The following LAMA2 variants were observed in gnomAD, a reference collection of about 807,000 sequenced individuals.
LAMA2 encodes laminin subunit alpha-2.
A neutral mutation model predicts 364.8 loss-of-function variants in LAMA2; 269 were observed. The observed-to-expected ratio is 0.74, with a 90% confidence interval of 0.67 to 0.82. LAMA2 has a LOEUF of 0.82. LAMA2 is among the 40% of genes least tolerant of loss of function. The probability of loss-of-function intolerance (pLI) is 0.00; values close to 1 mark genes in which losing one functional copy is unlikely to be tolerated. For synonymous variants in LAMA2, 1,379 were observed against 1,370.6 expected (o/e 1.01, Z -0.14); for missense variants, 3,807 against 3,873.2 (o/e 0.98, Z 0.45).
At chr6:129,180,875 G>A (rs555504571) in intron 10 of LAMA2, among the ~76,000 whole-genome samples, 1 of 152,172 alleles carries the variant, frequency 6.6e-6, no homozygotes, top group East Asian at 1.9e-4. Context: ...TCTAAGATCA[G>A]GGCTAAAGTT....
At chr6:129,038,339 C>A (rs75819372) in intron 1 of LAMA2, among the ~76,000 whole-genome samples, 1 of 152,308 alleles carries the variant, frequency 6.6e-6, no homozygotes, top group African/African-American at 2.4e-5. Context: ...TCTATCTTCA[C>A]TCTGTGTGTG....
chr6:129,130,539 G>A (rs577861348), intron 4 of LAMA2, among the ~76,000 whole-genome samples: 2 of 152,312 alleles, frequency 1.3e-5, no homozygotes, highest in African/African-American at 2.4e-5. Flanking sequence ...ACTGAAGATG[G>A]CAGTGATGCT....
chr6:129,104,419 A>T (rs9388686), intron 4 of LAMA2, among the ~76,000 whole-genome samples: 1 of 152,106 alleles, frequency 6.6e-6, no homozygotes, highest in Non-Finnish European at 1.5e-5. Flanking sequence ...GAACATTAAT[A>T]GGAAATAGTT....
chr6:128,996,566 C>T (rs748117721), intron 1 of LAMA2, among the ~76,000 whole-genome samples: 9 of 152,222 alleles, frequency 5.9e-5, no homozygotes, highest in South Asian at 2.1e-4. Context: ...CAAATCAAAA[C>T]GACAATGAGA....
intron 1 of LAMA2, among the ~76,000 whole-genome samples, chr6:128,911,379 G>A (rs183840228): frequency 2.0e-5 from 3 of 152,290 alleles, no homozygotes; most frequent in African/African-American, 4.8e-5. Context: ...CGCAGTATTC[G>A]GGTGGGAGTG....
At chr6:129,402,290 A>G (rs1031325152) in intron 38 of LAMA2, 34 bp from the exon 39 acceptor site, 2 of 1,577,146 alleles carry the variant, frequency 1.3e-6, no homozygotes, top group African/African-American at 1.4e-5. Flanking sequence ...GCTTGAATTC[A>G]CTTGCTTAAA....
chr6:129,123,463 C>T (rs1362173993), intron 4 of LAMA2, among the ~76,000 whole-genome samples: 1 of 151,826 alleles, frequency 6.6e-6, no homozygotes, highest in Non-Finnish European at 1.5e-5. Context: ...TCACAATAGT[C>T]AAGATATGGA....
At chr6:129,082,134 T>C (rs1161916937) in intron 3 of LAMA2, among the ~76,000 whole-genome samples, 1 of 152,164 alleles carries the variant, frequency 6.6e-6, no homozygotes. Flanking sequence ...TGTAGGACTA[T>C]ATAAGTTATT....
At chr6:129,101,190 A>G (rs1224588666) in intron 4 of LAMA2, among the ~76,000 whole-genome samples, 1 of 152,204 alleles carries the variant, frequency 6.6e-6, no homozygotes, top group Non-Finnish European at 1.5e-5. Flanking sequence ...AGAGCAATAA[A>G]TCTCCCCCTG....
At chr6:128,898,465 C>A (rs1255472089) in intron 1 of LAMA2, among the ~76,000 whole-genome samples, 1 of 152,186 alleles carries the variant, frequency 6.6e-6, no homozygotes, top group East Asian at 1.9e-4. Flanking sequence ...ATTAACTTCT[C>A]TCTTTCCTTC....
At chr6:129,445,613 G>T (rs1782326126) in intron 44 of LAMA2, 54 bp from the exon 45 acceptor site, 1 of 1,442,378 alleles carries the variant, frequency 6.9e-7, no homozygotes, top group Non-Finnish European at 9.8e-7. Flanking sequence ...TTCTAATTCT[G>T]TGTGTGCACG....
At chr6:129,247,804 C>A (rs374072573) in intron 12 of LAMA2, among the ~76,000 whole-genome samples, 4 of 152,134 alleles carry the variant, frequency 2.6e-5, no homozygotes, top group Non-Finnish European at 5.9e-5. Context: ...TTACTATTAT[C>A]GCTATTATTA....
In LAMA2 at chr6:129,312,960, G is replaced by C. The variant is rs1774323810; in HGVS notation, c.3274G>C (p.Glu1092Gln). Residue 1092 changes from glutamate to glutamine, a missense_variant, in exon 23 of 65, where the codon GAG (glutamate) becomes CAG (glutamine). Physicochemically the swap from Glu to Gln is conservative, Grantham distance 29 (BLOSUM62 2). This residue lies in a region of LAMA2 where 3,333 missense variants were observed against 3,345.7 expected (regional missense o/e 1.00). Coordinates refer to ENST00000421865, the MANE Select transcript of LAMA2 (RefSeq NM_000426.4). ...AAAATTCTCTGGTGCAAAATGTACA[G>C]AGTGCAGTCGAGGTCACTGGAACTA... ...HPKFSGAKCT[E>Q]CSRGHWNYPR... 1.2e-6 allele frequency: 2 copies of C among 1,614,080 alleles called. No individual in the cohort carries two copies.
At chr6:129,494,488 C>G (rs1481432428) in intron 58 of LAMA2, among the ~76,000 whole-genome samples, 1 of 152,214 alleles carries the variant, frequency 6.6e-6, no homozygotes, top group Non-Finnish European at 1.5e-5. Context: ...CCCACATAGA[C>G]ACTCTGAGGA....
chr6:128,949,847 G>A (rs1026658320), intron 1 of LAMA2, among the ~76,000 whole-genome samples: 1 of 152,046 alleles, frequency 6.6e-6, no homozygotes, highest in African/African-American at 2.4e-5. Context: ...TATTTGGTGT[G>A]ACAACCTAAC....
chr6:129,512,610 G>C, intron 63 of LAMA2, 117 bp downstream of exon 63: 1 of 1,155,472 alleles, frequency 8.7e-7, no homozygotes, highest in African/African-American at 1.5e-5. Flanking sequence ...TTTGTTGGGA[G>C]AAAGCTAAAT....
chr6:129,391,792 C>CATCTATCTATCTATCTATCTATCT lies in LAMA2; in HGVS notation c.5234+142_5234+165dup, dbSNP rs10648375. ...TGGAGATATTTGCTATGTTATCTAT[C>CATCTATCTATCTATCTATCTATCT]ATCTATCTATCTATCTATCTATCTA... On this transcript the variant is annotated intron_variant, in intron 36 of 64. Coordinates refer to ENST00000421865, the MANE Select transcript of LAMA2 (RefSeq NM_000426.4). 4.3e-5 allele frequency: 29 copies of CATCTATCTATCTATCTATCTATCT among 681,524 alleles called. No homozygotes were observed. In the African/African-American group the frequency reaches 4.9e-4, roughly 12 times the overall value. 42.2% of individuals were successfully genotyped at this position (681,524 alleles called of 1,614,324 possible).
intron 61 of LAMA2, among the ~76,000 whole-genome samples, chr6:129,505,574 T>C (rs1480273345): frequency 2.6e-5 from 4 of 152,100 alleles, no homozygotes; most frequent in African/African-American, 9.7e-5. Context: ...AGTGGTGCGA[T>C]CTTGGCTCAC....
chr6:129,064,000 C>A (rs1420509014), intron 3 of LAMA2, among the ~76,000 whole-genome samples: 2 of 151,960 alleles, frequency 1.3e-5, no homozygotes, highest in African/African-American at 4.8e-5. Context: ...ATCATTTAAA[C>A]ATATTAAAGG....
Sources: gnomAD v4.1 joint callset for allele counts (sites outside exome capture counted in the v4.1 genomes callset) on GRCh38, gnomAD v4.1.1 for gene constraint, gnomAD v4.1.1 regional missense constraint, MANE v1.5 for transcripts, NCBI Gene and HGNC (gene_info 2026-07-23, HGNC 2026-07-21) for gene names.